SLC24A2: variants seen among roughly 807,000 people sequenced by gnomAD.
SLC24A2 encodes sodium/potassium/calcium exchanger 2.
Under a neutral mutation model 62.0 loss-of-function variants are expected in SLC24A2, and 36 were observed. The observed-to-expected ratio is 0.58, with a 90% confidence interval of 0.44 to 0.77. The LOEUF (loss-of-function observed/expected upper bound fraction) is 0.77. Among genes scored for constraint, SLC24A2 ranks in the 30% least tolerant of loss-of-function variants. The pLI, the probability that SLC24A2 is intolerant of heterozygous loss-of-function variation, is 0.00. For synonymous variants in SLC24A2, 358 were observed against 294.0 expected, an observed-to-expected ratio of 1.22 and a Z score of -2.23; for missense variants, 846 against 817.9, an observed-to-expected ratio of 1.03 and a Z score of -0.42.
At chr9:20,014,813 A>C in the SLC24A2 span, among the ~76,000 whole-genome samples, 1 of 152,136 alleles carries the variant, frequency 6.6e-6, no homozygotes, top group African/African-American at 2.4e-5. Flanking sequence ...TTTGAGATCT[A>C]TTGTGCAGTA....
At chr9:19,741,145 T>G (rs1424906673) in intron 2 of SLC24A2, among the ~76,000 whole-genome samples, 2 of 152,190 alleles carry the variant, frequency 1.3e-5, no homozygotes, top group African/African-American at 4.8e-5. Context: ...TAATCTTGCC[T>G]GAAAAATTGT....
chr9:20,179,310 C>T, the SLC24A2 span, among the ~76,000 whole-genome samples: 1 of 152,124 alleles, frequency 6.6e-6, no homozygotes, highest in African/African-American at 2.4e-5. Flanking sequence ...GCACACCATA[C>T]CCTATAGCTT....
At chr9:20,177,178 G>T in the SLC24A2 span, among the ~76,000 whole-genome samples, 4 of 151,868 alleles carry the variant, frequency 2.6e-5, no homozygotes, top group Non-Finnish European at 4.4e-5. Context: ...TAGGCCATTT[G>T]TTAAATATCT....
At chr9:19,838,475 ACACACACACAC>A in the SLC24A2 span, among the ~76,000 whole-genome samples, 1 of 151,538 alleles carries the variant, frequency 6.6e-6, no homozygotes, top group Admixed American at 6.6e-5. Flanking sequence ...ACACACACAC[ACACACACACAC>A]AGATTAGCAG....
At chr9:19,861,040 G>T in the SLC24A2 span, among the ~76,000 whole-genome samples, 1 of 152,166 alleles carries the variant, frequency 6.6e-6, no homozygotes. Flanking sequence ...GATAGGCCTG[G>T]CTGGCTTTGC....
intron 2 of SLC24A2, among the ~76,000 whole-genome samples, chr9:19,777,716 T>C (rs939810424): frequency 6.6e-6 from 1 of 152,154 alleles, no homozygotes; most frequent in Non-Finnish European, 1.5e-5. Context: ...TATATGTCTA[T>C]GTACATATGC....
the SLC24A2 span, among the ~76,000 whole-genome samples, chr9:19,894,784 G>C: frequency 6.6e-6 from 1 of 152,062 alleles, no homozygotes; most frequent in Non-Finnish European, 1.5e-5. Flanking sequence ...ATTTATTTTT[G>C]ATACCACAAT....
At chr9:20,051,524 G>C in the SLC24A2 span, among the ~76,000 whole-genome samples, 1 of 151,812 alleles carries the variant, frequency 6.6e-6, no homozygotes, top group Non-Finnish European at 1.5e-5. Flanking sequence ...GTACTGCCAA[G>C]AACTGCAATA....
the SLC24A2 span, among the ~76,000 whole-genome samples, chr9:20,180,965 G>C: frequency 6.6e-6 from 1 of 152,144 alleles, no homozygotes; most frequent in Non-Finnish European, 1.5e-5. Flanking sequence ...CTTCTTGAGA[G>C]CAGGGCTCCT....
At chr9:20,059,806 G>C in the SLC24A2 span, among the ~76,000 whole-genome samples, 2 of 151,972 alleles carry the variant, frequency 1.3e-5, no homozygotes, top group Non-Finnish European at 2.9e-5. Context: ...GAAAATTAGA[G>C]CAGAGATAAG....
At chr9:19,984,848 G>T in the SLC24A2 span, among the ~76,000 whole-genome samples, 6 of 152,146 alleles carry the variant, frequency 3.9e-5, no homozygotes, top group Non-Finnish European at 8.8e-5. Flanking sequence ...TAGTAAAGTT[G>T]GACCCCTACC....
chr9:19,708,073 C>G (rs1183419271), intron 2 of SLC24A2, among the ~76,000 whole-genome samples: 1 of 152,160 alleles, frequency 6.6e-6, no homozygotes, highest in Non-Finnish European at 1.5e-5. Flanking sequence ...GATAGAAAAT[C>G]AATGTGCAAA....
intron 7 of SLC24A2, among the ~76,000 whole-genome samples, chr9:19,563,645 G>A (rs1835509452): frequency 6.6e-6 from 1 of 152,138 alleles, no homozygotes. Context: ...CAGTGACGAT[G>A]CCAATCTGTA....
chr9:20,227,535 T>TAAAAAAAAAAA, the SLC24A2 span, among the ~76,000 whole-genome samples: 1 of 124,636 alleles, frequency 8.0e-6, no homozygotes, highest in Non-Finnish European at 1.7e-5. Flanking sequence ...CACACATTTC[T>TAAAAAAAAAAA]AAAAAAAAAA....
At chr9:20,307,529 A>C in the SLC24A2 span, among the ~76,000 whole-genome samples, 3 of 152,318 alleles carry the variant, frequency 2.0e-5, no homozygotes, top group African/African-American at 4.8e-5. Context: ...TAAATGAGAA[A>C]ATTCCAGCAA....
At chr9:19,883,700 G>T in the SLC24A2 span, among the ~76,000 whole-genome samples, 2 of 152,002 alleles carry the variant, frequency 1.3e-5, no homozygotes, top group Non-Finnish European at 2.9e-5. Flanking sequence ...TGAGTAGCTG[G>T]GACTACAGGT....
intron 2 of SLC24A2, among the ~76,000 whole-genome samples, chr9:19,701,384 AC>A (rs1007643440): frequency 6.6e-6 from 1 of 152,046 alleles, no homozygotes; most frequent in Admixed American, 6.5e-5. Flanking sequence ...AGGAATTCAT[AC>A]CCCCATGCCA....
At chr9:19,799,909 C>G in the SLC24A2 span, among the ~76,000 whole-genome samples, 1 of 152,126 alleles carries the variant, frequency 6.6e-6, no homozygotes, top group Non-Finnish European at 1.5e-5. Flanking sequence ...CCTCACAGTT[C>G]TGGAGGCTAG....
intron 2 of SLC24A2, among the ~76,000 whole-genome samples, chr9:19,697,738 T>G (rs1354155753): frequency 6.6e-6 from 1 of 152,162 alleles, no homozygotes; most frequent in Admixed American, 6.5e-5. Context: ...AAGAAAAAGA[T>G]CCTCAAAGAA....
Sources: gnomAD v4.1 joint callset for allele counts (sites outside exome capture counted in the v4.1 genomes callset) on GRCh38, gnomAD v4.1.1 for gene constraint, MANE v1.5 for transcripts, NCBI Gene and HGNC (gene_info 2026-07-23, HGNC 2026-07-21) for gene names.